EXT1: variants seen among roughly 807,000 people sequenced by gnomAD.
The protein encoded by EXT1 is exostosin-1.
Under a neutral mutation model 82.5 loss-of-function variants are expected in EXT1, and 20 were observed. That is an observed-to-expected ratio of 0.24 (90% confidence interval 0.17 to 0.35). The LOEUF is 0.35. Ranked by LOEUF, EXT1 falls within the 10% of genes least tolerant of loss-of-function variation. The pLI is 1.00. For synonymous variants in EXT1, 348 were observed against 350.8 expected (o/e 0.99, Z 0.09); for missense variants, 757 against 936.5 (o/e 0.81, Z 2.50).
At chr8:118,026,989 TCA>T (rs1329256428) in intron 1 of EXT1, among the ~76,000 whole-genome samples, 1 of 152,118 alleles carries the variant, frequency 6.6e-6, no homozygotes, top group Non-Finnish European at 1.5e-5. Flanking sequence ...GCCTGTAGTC[TCA>T]GTTACTTTGG....
chr8:117,939,142 G>A (rs1432778423), intron 1 of EXT1, among the ~76,000 whole-genome samples: 1 of 152,062 alleles, frequency 6.6e-6, no homozygotes, highest in Non-Finnish European at 1.5e-5. Flanking sequence ...AGCCCTGCAA[G>A]AACTAGCCCA....
At position 118,110,930 on chromosome 8, in the gene EXT1, T is replaced by A. The variant is rs78429222; in HGVS notation, c.117A>T (p.Glu39Asp). The A allele has an allele frequency of 6.2e-7, 1 of 1,613,822 alleles. No individual in the cohort carries two copies. Among genetic ancestry groups the A allele is most frequent in the African/African-American group, 1.3e-5 (1 of 74,878 alleles). Residue 39 changes from glutamate to aspartate, a missense_variant, in exon 1 of 11, where the codon GAA becomes GAT. This residue lies in a region of EXT1 where 175 missense variants were observed against 159.0 expected (regional missense o/e 1.10). Transcript: ENST00000378204. ...GGTGCAAGCCATTCCTACCGCTGTG[T>A]TCTTCTCTCCGGCTGTGGCTCCTCG... ...RASRSHSRREEHSGRNGLHHP... is the reference protein window; with the variant it reads ...RASRSHSRREDHSGRNGLHHP...
Position 117,917,049 on chromosome 8 carries a change from C to G in EXT1, c.963-79848G>C, listed in dbSNP as rs28357288. On this transcript the variant is annotated intron_variant, in intron 1 of 10. Transcript: ENST00000378204. Reference sequence around the variant, plus strand: ...ATCAATTTTTCTCTCTAGATCTTACCAAAATTGTAATATCAGTAATAATAC... The same window carrying G: ...ATCAATTTTTCTCTCTAGATCTTACGAAAATTGTAATATCAGTAATAATAC... 7.9e-5 allele frequency among the ~76,000 whole-genome samples: 12 copies of G among 151,964 alleles called. No individual in the cohort carries two copies. In the East Asian group the frequency reaches 2.1e-3, roughly 27 times the overall value.
intron 1 of EXT1, among the ~76,000 whole-genome samples, chr8:117,872,144 A>T (rs1341140358): frequency 2.6e-5 from 4 of 151,342 alleles, no homozygotes; most frequent in African/African-American, 9.7e-5. Context: ...GTTTCAAAAG[A>T]AAGAAAAGGA....
In EXT1 at chr8:117,799,663, C is replaced by T; in HGVS notation, c.*49G>A. 1 of 1,605,524 alleles carries T rather than the reference C, an allele frequency of 6.2e-7. No individual in the cohort carries two copies. Among genetic ancestry groups the T allele is most frequent in the Non-Finnish European group, 8.5e-7 (1 of 1,172,614 alleles). On this transcript the variant is annotated 3_prime_UTR_variant, in exon 11 of 11. Transcript: ENST00000378204. ...GATCTGCACTGGGAAGAGAGAGCAGCTTGACCCCCATCCCTTCTTGCTTCC... is the reference window on the plus strand; with the variant it reads ...GATCTGCACTGGGAAGAGAGAGCAGTTTGACCCCCATCCCTTCTTGCTTCC...
chr8:117,993,778 T>C (rs537451079), intron 1 of EXT1, among the ~76,000 whole-genome samples: 4 of 152,188 alleles, frequency 2.6e-5, no homozygotes, highest in Admixed American at 1.3e-4. Flanking sequence ...TTGATTAGGC[T>C]ATGGAACCTA....
intron 1 of EXT1, among the ~76,000 whole-genome samples, chr8:117,950,232 T>C (rs1182677963): frequency 2.6e-5 from 4 of 151,968 alleles, no homozygotes; most frequent in Non-Finnish European, 5.9e-5. Flanking sequence ...CAGAGCAAGA[T>C]CCCATCACAA....
intron 1 of EXT1, among the ~76,000 whole-genome samples, chr8:118,029,117 A>C (rs1245764172): frequency 6.6e-6 from 1 of 151,956 alleles, no homozygotes; most frequent in Non-Finnish European, 1.5e-5. Flanking sequence ...ACAGAGATAC[A>C]TTTGTAGATT....
chr8:117,988,498 C>G (rs1384718836), intron 1 of EXT1, among the ~76,000 whole-genome samples: 1 of 152,272 alleles, frequency 6.6e-6, no homozygotes, highest in Admixed American at 6.5e-5. Flanking sequence ...TCAGACCACA[C>G]TTTGAGAACC....
At chr8:117,996,080 A>G (rs575228146) in intron 1 of EXT1, among the ~76,000 whole-genome samples, 24 of 152,328 alleles carry the variant, frequency 1.6e-4, no homozygotes, top group African/African-American at 5.3e-4. Flanking sequence ...CAGACAGGAT[A>G]AATATAATAC....
Position 117,818,470 on chromosome 8 carries a change from C to T in EXT1, c.1597G>A (p.Ala533Thr), listed in dbSNP as rs775110739. ...CCTTCAATGACGACGACAGGCACAG[C>T]AGTGGCAGGCCAGCGGTGTTTGGCT... The part of the protein sequence containing the change: ...LPAKHRWPAT[A>T]VPVVVIEGES... The change falls in exon 7 of 11, where the codon GCT becomes ACT. Residue 533 changes from alanine to threonine, a missense_variant. Around this residue, in one of 4 missense-constraint regions of EXT1, gnomAD observed 207 missense variants for 224.2 expected, o/e 0.92. Transcript: ENST00000378204. 6.8e-6 allele frequency: 11 copies of T among 1,614,100 alleles called. No homozygotes were observed. The highest frequency in any genetic ancestry group is 1.1e-5 in the South Asian group (1 of 91,078).
chr8:118,047,408 C>T (rs569739850), intron 1 of EXT1, among the ~76,000 whole-genome samples: 28 of 152,218 alleles, frequency 1.8e-4, no homozygotes, highest in African/African-American at 6.7e-4. Flanking sequence ...ATTTTAAGCA[C>T]TAAATAAGGA....
At chr8:117,920,825 A>T (rs2130013129) in intron 1 of EXT1, among the ~76,000 whole-genome samples, 1 of 152,288 alleles carries the variant, frequency 6.6e-6, no homozygotes, top group South Asian at 2.1e-4. Flanking sequence ...AAGATAACTT[A>T]GCCACAATCG....
At position 117,953,629 on chromosome 8, in the gene EXT1, A is replaced by G. The variant is rs1240606027; in HGVS notation, c.963-116428T>C. ...AATGATGCCTCTGCTCCCATTTCAG[A>G]TTAGAGTGTGTTATGCAGCCATGTA... On this transcript the variant is annotated intron_variant, in intron 1 of 10. Transcript: ENST00000378204. 4.6e-5 allele frequency among the ~76,000 whole-genome samples: 7 copies of G among 152,070 alleles called. No homozygotes were observed. The East Asian group carries it at 1.2e-3, about 25-fold the overall frequency.
At chr8:117,953,921 AAAAAAT>A (rs58173753) in intron 1 of EXT1, among the ~76,000 whole-genome samples, 5 of 152,134 alleles carry the variant, frequency 3.3e-5, no homozygotes, top group East Asian at 1.9e-4. Flanking sequence ...ACAACAACAG[AAAAAAT>A]AAAAATAAAA....
intron 1 of EXT1, among the ~76,000 whole-genome samples, chr8:117,930,353 T>G (rs1814033674): frequency 6.6e-6 from 1 of 151,896 alleles, no homozygotes; most frequent in African/African-American, 2.4e-5. Flanking sequence ...AAGACAGGCT[T>G]AAGCAACTAA....
At chr8:118,048,417 T>A (rs1816656298) in intron 1 of EXT1, among the ~76,000 whole-genome samples, 1 of 152,232 alleles carries the variant, frequency 6.6e-6, no homozygotes, top group South Asian at 2.1e-4. Flanking sequence ...AAAAGTCCTA[T>A]GCCAGATAGG....
intron 1 of EXT1, among the ~76,000 whole-genome samples, chr8:118,025,048 G>A (rs1300562112): frequency 1.3e-5 from 2 of 152,214 alleles, no homozygotes; most frequent in Non-Finnish European, 2.9e-5. Context: ...AAAAGGCACT[G>A]CAGATAGTGG....
chr8:118,110,347 T>C lies in EXT1; in HGVS notation c.700A>G (p.Ile234Val), dbSNP rs1003279912. The change falls in exon 1 of 11, where the codon ATT (isoleucine) becomes GTT (valine). Residue 234 changes from isoleucine (I) to valine (V), a missense_variant. Coordinates refer to ENST00000378204, the MANE Select transcript of EXT1 (RefSeq NM_000127.3). ...ENFRPNFDVS[I>V]PLFSKDHPRT... ...GGATGATCCTTAGAAAAGAGGGGAATAGAAACATCAAAGTTGGGTCGGAAG... is the reference window on the plus strand; with the variant it reads ...GGATGATCCTTAGAAAAGAGGGGAACAGAAACATCAAAGTTGGGTCGGAAG... 13 of 1,614,018 alleles carry C rather than the reference T, an allele frequency of 8.1e-6. No homozygotes were observed. Among genetic ancestry groups the C allele is most frequent in the Admixed American group, 3.3e-5 (2 of 60,008 alleles).
Sources: gnomAD v4.1 joint callset for allele counts (sites outside exome capture counted in the v4.1 genomes callset) on GRCh38, gnomAD v4.1.1 for gene constraint, gnomAD v4.1.1 regional missense constraint, MANE v1.5 for transcripts, NCBI Gene and HGNC (gene_info 2026-07-23, HGNC 2026-07-21) for gene names.